PLD5: variants seen among roughly 807,000 people sequenced by gnomAD.
The protein encoded by PLD5 is inactive phospholipase D5.
Under a neutral mutation model 61.1 loss-of-function variants are expected in PLD5, and 36 were observed. The observed-to-expected ratio is 0.59, with a 90% CI of 0.45 to 0.78. PLD5 has a LOEUF of 0.78. PLD5 is among the 30% of genes least tolerant of loss of function. PLD5 has a pLI of 0.00. For synonymous variants in PLD5, 243 were observed against 242.8 expected, an observed-to-expected ratio of 1.00 and a Z score of -0.01; for missense variants, 515 against 644.4, an observed-to-expected ratio of 0.80 and a Z score of 2.17.
intron 2 of PLD5, among the ~76,000 whole-genome samples, chr1:242,290,908 C>G (rs1675320344): frequency 1.3e-5 from 2 of 150,966 alleles, no homozygotes; most frequent in South Asian, 2.1e-4. Flanking sequence ...AAATGTGAAT[C>G]TGGACACTCT....
At chr1:242,130,299 G>T (rs1232851513) in intron 5 of PLD5, among the ~76,000 whole-genome samples, 1 of 152,088 alleles carries the variant, frequency 6.6e-6, no homozygotes, top group East Asian at 1.9e-4. Flanking sequence ...TGATCCACCC[G>T]CCTTGGCCTC....
At chr1:242,468,828 T>C (rs1239570254) in intron 1 of PLD5, among the ~76,000 whole-genome samples, 3 of 152,320 alleles carry the variant, frequency 2.0e-5, no homozygotes, top group Admixed American at 6.5e-5. Flanking sequence ...ATTCTTACTA[T>C]GCATCATGCT....
intron 5 of PLD5, among the ~76,000 whole-genome samples, chr1:242,145,131 T>C (rs531401872): frequency 1.3e-5 from 2 of 152,310 alleles, no homozygotes; most frequent in East Asian, 1.9e-4. Context: ...GGTACTAGAA[T>C]GTGAACACAG....
chr1:242,187,766 G>C (rs1477708273), intron 5 of PLD5, among the ~76,000 whole-genome samples: 1 of 152,196 alleles, frequency 6.6e-6, no homozygotes, highest in Non-Finnish European at 1.5e-5. Context: ...TCACCAGGCA[G>C]TATGAGAGGG....
intron 3 of PLD5, among the ~76,000 whole-genome samples, chr1:242,283,138 A>T (rs1210164043): frequency 6.6e-6 from 1 of 152,264 alleles, no homozygotes; most frequent in Non-Finnish European, 1.5e-5. Flanking sequence ...ATGAAAAATA[A>T]AAAAGCACAT....
At chr1:242,090,167 A>G in intron 9 of PLD5, 57 bp from the exon 10 acceptor site, 1 of 1,577,142 alleles carries the variant, frequency 6.3e-7, no homozygotes, top group Non-Finnish European at 8.7e-7. Context: ...GAACATACCC[A>G]ATATAATGAA....
intron 1 of PLD5, among the ~76,000 whole-genome samples, chr1:242,388,150 A>G (rs547478377): frequency 1.1e-4 from 17 of 152,320 alleles, no homozygotes; most frequent in African/African-American, 3.6e-4. Flanking sequence ...TCCTTCTTCA[A>G]TGAAGTATTA....
chr1:242,310,442 C>T (rs4123228), intron 2 of PLD5, among the ~76,000 whole-genome samples: 4 of 152,144 alleles, frequency 2.6e-5, no homozygotes, highest in African/African-American at 7.2e-5. Context: ...AAAGTTGTCA[C>T]TCCTGTTCTC....
chr1:242,486,684 C>T (rs1474427243), intron 1 of PLD5, among the ~76,000 whole-genome samples: 1 of 152,078 alleles, frequency 6.6e-6, no homozygotes. Context: ...CTAGAAATAC[C>T]ATTTGACCCA....
At chr1:242,338,660 A>C (rs1220436903) in intron 2 of PLD5, among the ~76,000 whole-genome samples, 1 of 152,160 alleles carries the variant, frequency 6.6e-6, no homozygotes, top group African/African-American at 2.4e-5. Context: ...TTAAATATTA[A>C]ATGCTAAAGA....
At chr1:242,183,895 AAAAT>A (rs1014287686) in intron 5 of PLD5, among the ~76,000 whole-genome samples, 2 of 148,808 alleles carry the variant, frequency 1.3e-5, no homozygotes, top group African/African-American at 4.8e-5. Context: ...ACTCCGTCTC[AAAAT>A]AAATAAATAA....
intron 1 of PLD5, among the ~76,000 whole-genome samples, chr1:242,432,700 T>A (rs1007892880): frequency 3.3e-5 from 5 of 152,164 alleles, no homozygotes; most frequent in African/African-American, 1.2e-4. Context: ...GGAGGTCACA[T>A]GGGTAGGCAC....
chr1:242,380,769 A>C (rs1293181531), intron 1 of PLD5, among the ~76,000 whole-genome samples: 1 of 152,200 alleles, frequency 6.6e-6, no homozygotes, highest in African/African-American at 2.4e-5. Context: ...TCTCAAAAGA[A>C]GACATTCATG....
chr1:242,518,925 G>A (rs1228104674), intron 1 of PLD5, among the ~76,000 whole-genome samples: 1 of 152,144 alleles, frequency 6.6e-6, no homozygotes, highest in Non-Finnish European at 1.5e-5. Context: ...GACATGCCCT[G>A]AGATCCACTG....
At chr1:242,224,520 T>C (rs1276554915) in intron 4 of PLD5, among the ~76,000 whole-genome samples, 2 of 152,122 alleles carry the variant, frequency 1.3e-5, no homozygotes, top group Admixed American at 1.3e-4. Context: ...GAGCTATGCA[T>C]AAGAAACATG....
chr1:242,451,243 G>A (rs543211697), intron 1 of PLD5, among the ~76,000 whole-genome samples: 2 of 152,236 alleles, frequency 1.3e-5, no homozygotes, highest in East Asian at 1.9e-4. Context: ...AAGGTGCAGC[G>A]TTATTCTTTC....
chr1:242,311,033 T>C (rs1273634820), intron 2 of PLD5, among the ~76,000 whole-genome samples: 1 of 152,120 alleles, frequency 6.6e-6, no homozygotes, highest in East Asian at 1.9e-4. Flanking sequence ...TTATAACATA[T>C]ATACTATAAA....
At chr1:242,297,740 C>T (rs1473524932) in intron 2 of PLD5, among the ~76,000 whole-genome samples, 1 of 149,920 alleles carries the variant, frequency 6.7e-6, no homozygotes, top group Non-Finnish European at 1.5e-5. Context: ...CCCGGGTTCA[C>T]GCCATTCTCC....
At chr1:242,211,456 G>A (rs1044392703) in intron 5 of PLD5, among the ~76,000 whole-genome samples, 5 of 152,178 alleles carry the variant, frequency 3.3e-5, no homozygotes, top group Admixed American at 6.5e-5. Flanking sequence ...CAGGGTGGGG[G>A]CAGCCAGGTT....
Sources: gnomAD v4.1 joint callset for allele counts (sites outside exome capture counted in the v4.1 genomes callset) on GRCh38, gnomAD v4.1.1 for gene constraint, MANE v1.5 for transcripts, NCBI Gene and HGNC (gene_info 2026-07-23, HGNC 2026-07-21) for gene names.